GLIS3: variants seen among roughly 807,000 people sequenced by gnomAD.
GLIS3 encodes GLIS family zinc finger 3, also known as zinc finger protein GLIS3.
A neutral mutation model predicts 78.6 loss-of-function variants in GLIS3; 53 were observed. That is an observed-to-expected ratio of 0.67 (90% CI 0.54 to 0.85). GLIS3 has a LOEUF of 0.85. GLIS3 is among the 40% of genes least tolerant of loss of function. GLIS3 has a pLI of 0.00. For missense variants in GLIS3, 1,703 were observed against 1,231.1 expected, an observed-to-expected ratio of 1.38 and a Z score of -5.74; for synonymous variants, 684 against 509.9, an observed-to-expected ratio of 1.34 and a Z score of -4.60.
intron 4 of GLIS3, among the ~76,000 whole-genome samples, chr9:4,099,773 A>G (rs776340981): frequency 6.6e-6 from 1 of 152,244 alleles, no homozygotes; most frequent in Non-Finnish European, 1.5e-5. Flanking sequence ...GAAATATCAT[A>G]TTTTAAAATG....
chr9:4,435,190 G>T, the GLIS3 span, among the ~76,000 whole-genome samples: 1 of 152,168 alleles, frequency 6.6e-6, no homozygotes, highest in Non-Finnish European at 1.5e-5. Flanking sequence ...TGCATGCTTG[G>T]TCTGGAAGAC....
At position 3,826,739 on chromosome 9, in the gene GLIS3, G is replaced by C. The variant is rs1197042320; in HGVS notation, c.*1533C>G. The stretch of plus-strand genomic sequence containing the variant: ...ACAGAATCCCATCTAACATCAAGCT[G>C]TTTTAGTTGTCTTGTTGAAGATTGT... On this transcript the variant is annotated 3_prime_UTR_variant, in exon 11 of 11. Transcript: ENST00000381971. 6.6e-6 allele frequency: 1 copy of C among 152,292 alleles called. No homozygotes were observed. The highest frequency in any genetic ancestry group is 1.5e-5 in the Non-Finnish European group (1 of 68,028). The allele number at this position is 152,292 out of a possible 1,614,324, so 9.4% of individuals were successfully genotyped here. A position where few individuals can be genotyped will look rare whatever the true frequency, so the allele number is the denominator to read the frequency against.
intron 4 of GLIS3, among the ~76,000 whole-genome samples, chr9:4,040,766 T>C (rs1447221246): frequency 6.6e-6 from 1 of 152,178 alleles, no homozygotes; most frequent in Admixed American, 6.5e-5. Flanking sequence ...AGGTGTTCAG[T>C]AGATCGTTCT....
upstream of GLIS3, among the ~76,000 whole-genome samples, chr9:4,352,300 G>A (rs761292008): frequency 1.3e-5 from 2 of 152,232 alleles, no homozygotes; most frequent in Non-Finnish European, 2.9e-5. Flanking sequence ...AGGAACAAGG[G>A]AGCCACCTGA....
At chr9:3,896,670 T>TAAAAAAA (rs60086001) in intron 7 of GLIS3, among the ~76,000 whole-genome samples, 16 of 49,982 alleles carry the variant, frequency 3.2e-4, no homozygotes, top group East Asian at 7.2e-4. Context: ...CCATCTCAAT[T>TAAAAAAA]AAAAAAAAAA....
chr9:3,841,682 C>A (rs1384499458), intron 9 of GLIS3, among the ~76,000 whole-genome samples: 1 of 152,098 alleles, frequency 6.6e-6, no homozygotes, highest in Admixed American at 6.5e-5. Flanking sequence ...AACACTTTGC[C>A]AAGGTTGACA....
intron 2 of GLIS3, among the ~76,000 whole-genome samples, chr9:4,247,285 T>A (rs924061182): frequency 6.6e-6 from 1 of 152,216 alleles, no homozygotes; most frequent in African/African-American, 2.4e-5. Context: ...AAGCTGAAAG[T>A]ACGGTTGTTT....
At chr9:3,946,142 C>G (rs1220744197) in intron 4 of GLIS3, among the ~76,000 whole-genome samples, 1 of 152,230 alleles carries the variant, frequency 6.6e-6, no homozygotes, top group Admixed American at 6.5e-5. Context: ...AGTGCCCACA[C>G]ATGCCCACCA....
chr9:3,981,684 C>T (rs978014442), intron 4 of GLIS3, among the ~76,000 whole-genome samples: 8 of 152,148 alleles, frequency 5.3e-5, no homozygotes, highest in African/African-American at 1.9e-4. Context: ...GATGATAAAG[C>T]CTTTTCAAAT....
chr9:4,425,449 G>A, the GLIS3 span, among the ~76,000 whole-genome samples: 3 of 152,188 alleles, frequency 2.0e-5, no homozygotes, highest in Non-Finnish European at 2.9e-5. Flanking sequence ...CACCTCAGCT[G>A]GTATTGGGAA....
At chr9:3,935,543 C>T (rs1825851524) in intron 5 of GLIS3, among the ~76,000 whole-genome samples, 1 of 152,070 alleles carries the variant, frequency 6.6e-6, no homozygotes, top group Non-Finnish European at 1.5e-5. Flanking sequence ...CACTTAGCCT[C>T]GCAACAGTTC....
chr9:4,185,243 T>C (rs1267228749), intron 2 of GLIS3, among the ~76,000 whole-genome samples: 1 of 152,250 alleles, frequency 6.6e-6, no homozygotes, highest in Admixed American at 6.5e-5. Context: ...TCACTTAGCA[T>C]AATTTTTCTT....
chr9:4,252,395 A>G (rs775715726), intron 2 of GLIS3, among the ~76,000 whole-genome samples: 7 of 151,976 alleles, frequency 4.6e-5, no homozygotes, highest in Non-Finnish European at 8.8e-5. Context: ...CGCTTGATCA[A>G]TTCAGCCACT....
chr9:4,288,678 T>C (rs1020769590), intron 1 of GLIS3, among the ~76,000 whole-genome samples: 1 of 152,028 alleles, frequency 6.6e-6, no homozygotes, highest in African/African-American at 2.4e-5. Context: ...GGAATGAATA[T>C]TTATTTTATT....
chr9:4,287,762 G>C (rs1000236028), intron 1 of GLIS3, among the ~76,000 whole-genome samples: 3 of 152,168 alleles, frequency 2.0e-5, no homozygotes, highest in Non-Finnish European at 4.4e-5. Context: ...CTATCAAGGA[G>C]AAACACTTTT....
intron 2 of GLIS3, among the ~76,000 whole-genome samples, chr9:4,222,361 A>T (rs1291755502): frequency 2.0e-5 from 3 of 152,194 alleles, no homozygotes; most frequent in African/African-American, 7.2e-5. Flanking sequence ...CAGATTTCTC[A>T]TAACTCAGTT....
At chr9:4,323,243 A>G (rs1245008838) in intron 2 of GLIS3, among the ~76,000 whole-genome samples, 1 of 152,172 alleles carries the variant, frequency 6.6e-6, no homozygotes, top group Non-Finnish European at 1.5e-5. Flanking sequence ...ATATCAAACT[A>G]TACTACAAAC....
chr9:3,917,384 A>G (rs1158581178), intron 6 of GLIS3, among the ~76,000 whole-genome samples: 2 of 152,222 alleles, frequency 1.3e-5, no homozygotes, highest in Non-Finnish European at 2.9e-5. Flanking sequence ...GACATTGACA[A>G]GTGAGCAAAC....
chr9:3,913,032 C>G lies in GLIS3; in HGVS notation c.1984-14197G>C, dbSNP rs146182931. Reference sequence around the variant, plus strand: ...CTCAGGGTTTAATTAAAGCAGCCAGCTATCTAGTAATTACTTCCCCCATCC... The same window carrying G: ...CTCAGGGTTTAATTAAAGCAGCCAGGTATCTAGTAATTACTTCCCCCATCC... On this transcript the variant is annotated intron_variant, in intron 6 of 10. Transcript: ENST00000381971. Among the ~76,000 whole-genome samples the G allele has an allele frequency of 2.4e-3, 372 of 152,260 alleles. 2 individuals carry two copies. Among genetic ancestry groups the G allele is most frequent in the Admixed American group, 6.3e-3 (96 of 15,292 alleles).
Sources: allele counts gnomAD v4.1 joint callset (sites outside exome capture counted in the v4.1 genomes callset), GRCh38; gene constraint gnomAD v4.1.1; transcripts MANE v1.5; gene names NCBI Gene and HGNC (gene_info 2026-07-23, HGNC 2026-07-21).